The following FSHR variants were observed in gnomAD, a reference collection of about 807,000 sequenced individuals.
FSHR encodes follicle stimulating hormone receptor.
FSHR carries 46 observed loss-of-function variants against 52.1 expected under a neutral mutation model. The observed-to-expected ratio is 0.88, with a 90% CI of 0.70 to 1.13. The LOEUF is 1.13. FSHR is among the 50% of genes most tolerant of loss of function. The probability of loss-of-function intolerance (pLI) is 0.00; values close to 1 mark genes in which losing one functional copy is unlikely to be tolerated. For synonymous variants in FSHR, 399 were observed against 309.6 expected, an observed-to-expected ratio of 1.29 and a Z score of -3.03; for missense variants, 964 against 834.6, an observed-to-expected ratio of 1.16 and a Z score of -1.91.
intron 1 of FSHR, among the ~76,000 whole-genome samples, chr2:49,134,369 C>A (rs1314643942): frequency 2.6e-5 from 4 of 152,150 alleles, no homozygotes; most frequent in African/African-American, 9.7e-5. Context: ...AATGAGATAC[C>A]ATCTCACACC....
In FSHR at chr2:49,135,530, C is replaced by A. The variant is rs1170742983; in HGVS notation, c.152+18736G>T. Among the ~76,000 whole-genome samples, 3 of 151,792 alleles carry A rather than the reference C, an allele frequency of 2.0e-5. No individual in the cohort carries two copies. The South Asian group carries it at 6.2e-4, about 32-fold the overall frequency. On this transcript the variant is annotated intron_variant, in intron 1 of 9. Coordinates refer to ENST00000406846, the MANE Select transcript of FSHR (RefSeq NM_000145.4). ...GAAAAAAATATTTCAAATTAATAACCCAACCTTCATCATAAGATCCTGGGA... is the reference window on the plus strand; with the variant it reads ...GAAAAAAATATTTCAAATTAATAACACAACCTTCATCATAAGATCCTGGGA...
intron 4 of FSHR, among the ~76,000 whole-genome samples, chr2:48,991,451 T>C (rs1213854098): frequency 6.6e-6 from 1 of 151,864 alleles, no homozygotes; most frequent in East Asian, 1.9e-4. Flanking sequence ...TGAGGGAGAG[T>C]AGTGGGGGAA....
chr2:49,028,176 A>T (rs931179323), intron 2 of FSHR, among the ~76,000 whole-genome samples: 1 of 152,184 alleles, frequency 6.6e-6, no homozygotes, highest in Non-Finnish European at 1.5e-5. Flanking sequence ...CATAGGTTTG[A>T]GACACTTGTA....
At chr2:49,077,204 A>C (rs1044820990) in intron 1 of FSHR, among the ~76,000 whole-genome samples, 1 of 152,210 alleles carries the variant, frequency 6.6e-6, no homozygotes, top group Non-Finnish European at 1.5e-5. Flanking sequence ...GTTTCCATAC[A>C]TCTTCTGAAA....
At chr2:49,028,556 T>G (rs894705771) in intron 2 of FSHR, among the ~76,000 whole-genome samples, 3 of 152,264 alleles carry the variant, frequency 2.0e-5, no homozygotes, top group African/African-American at 7.2e-5. Flanking sequence ...AATAGATTGC[T>G]AACTGTCCTC....
At chr2:49,054,721 A>C (rs1485963057) in intron 2 of FSHR, among the ~76,000 whole-genome samples, 1 of 152,214 alleles carries the variant, frequency 6.6e-6, no homozygotes, top group Non-Finnish European at 1.5e-5. Flanking sequence ...GCCACAGCAC[A>C]ACAACTGCAG....
chr2:49,139,747 C>G (rs1468116357), intron 1 of FSHR, among the ~76,000 whole-genome samples: 2 of 151,722 alleles, frequency 1.3e-5, no homozygotes, highest in Non-Finnish European at 2.9e-5. Flanking sequence ...ACAGGCACCC[C>G]TGACCATGCC....
chr2:49,006,740 T>A (rs1234644443), intron 4 of FSHR, among the ~76,000 whole-genome samples: 1 of 152,100 alleles, frequency 6.6e-6, no homozygotes, highest in Non-Finnish European at 1.5e-5. Flanking sequence ...GGTTAACGTT[T>A]GATAGACTTT....
At chr2:48,992,759 C>A (rs1573061045) in intron 4 of FSHR, among the ~76,000 whole-genome samples, 1 of 151,952 alleles carries the variant, frequency 6.6e-6, no homozygotes, top group Non-Finnish European at 1.5e-5. Flanking sequence ...AGCCTAACTC[C>A]CTATTTCTCT....
At position 48,968,686 on chromosome 2, in the gene FSHR, G is replaced by C; in HGVS notation, c.854+12C>G. The C allele has an allele frequency of 6.2e-7, 1 of 1,613,904 alleles. No homozygotes were observed. The highest frequency in any genetic ancestry group is 8.5e-7 in the Non-Finnish European group (1 of 1,179,780). On this transcript the variant is annotated intron_variant, in intron 9 of 9. Transcript: ENST00000406846. ...GGGAAATGCCTGAGCAGGGCTTAAA[G>C]GATGGACTCACATTTGCCGTCTCCA...
At chr2:49,064,281 A>G (rs1669424114) in intron 2 of FSHR, among the ~76,000 whole-genome samples, 1 of 152,106 alleles carries the variant, frequency 6.6e-6, no homozygotes, top group Non-Finnish European at 1.5e-5. Flanking sequence ...ATTTCCTGTT[A>G]AAACTCAATC....
At chr2:49,106,932 T>C (rs565030536) in intron 1 of FSHR, among the ~76,000 whole-genome samples, 18 of 152,314 alleles carry the variant, frequency 1.2e-4, no homozygotes, top group African/African-American at 4.3e-4. Flanking sequence ...TAATGAGCCA[T>C]ACCTTTATTA....
chr2:49,017,001 A>G (rs1667513430), intron 4 of FSHR, among the ~76,000 whole-genome samples: 1 of 152,166 alleles, frequency 6.6e-6, no homozygotes, highest in Non-Finnish European at 1.5e-5. Flanking sequence ...GGGCAGGCCC[A>G]AAGAATGCAG....
At chr2:49,070,732 T>A (rs1669699514) in intron 1 of FSHR, among the ~76,000 whole-genome samples, 1 of 152,206 alleles carries the variant, frequency 6.6e-6, no homozygotes, top group Non-Finnish European at 1.5e-5. Context: ...CTTATTAACA[T>A]AATTAAATAT....
intron 1 of FSHR, among the ~76,000 whole-genome samples, chr2:49,128,087 G>C (rs2103802864): frequency 6.6e-6 from 1 of 151,460 alleles, no homozygotes; most frequent in Admixed American, 6.6e-5. Flanking sequence ...TCACCATGTT[G>C]GCCAGGCTGG....
intron 2 of FSHR, among the ~76,000 whole-genome samples, chr2:49,055,117 G>A (rs1377048752): frequency 6.6e-6 from 1 of 151,924 alleles, no homozygotes; most frequent in Non-Finnish European, 1.5e-5. Flanking sequence ...AGAGAATACA[G>A]ATAGACAATT....
At chr2:48,982,746 G>A (rs761801175) in intron 8 of FSHR, among the ~76,000 whole-genome samples, 166 bp downstream of exon 8, 2 of 152,166 alleles carry the variant, frequency 1.3e-5, no homozygotes, top group Non-Finnish European at 2.9e-5. Context: ...GAGTTAGACC[G>A]TGGATAAGCC....
At chr2:49,036,949 A>G (rs1029244017) in intron 2 of FSHR, among the ~76,000 whole-genome samples, 4 of 152,258 alleles carry the variant, frequency 2.6e-5, no homozygotes, top group African/African-American at 9.6e-5. Context: ...CAGAACGCTG[A>G]GCATGCATTG....
intron 1 of FSHR, among the ~76,000 whole-genome samples, chr2:49,141,191 G>C (rs1187977778): frequency 6.6e-6 from 1 of 152,110 alleles, no homozygotes; most frequent in Admixed American, 6.6e-5. Flanking sequence ...CAACCCCACT[G>C]ATTGAATCTC....
Sources: gnomAD v4.1 joint callset for allele counts (sites outside exome capture counted in the v4.1 genomes callset) on GRCh38, gnomAD v4.1.1 for gene constraint, MANE v1.5 for transcripts, NCBI Gene and HGNC (gene_info 2026-07-23, HGNC 2026-07-21) for gene names.